The following POC1A variants were observed in gnomAD, a reference collection of about 807,000 sequenced individuals.
POC1A encodes POC1 centriolar protein homolog A.
POC1A carries 34 observed loss-of-function variants against 47.8 expected under a neutral mutation model. The observed-to-expected ratio is 0.71, with a 90% CI of 0.54 to 0.95. The LOEUF (loss-of-function observed/expected upper bound fraction) is 0.95. Ranked by LOEUF, POC1A falls within the 40% of genes least tolerant of loss-of-function variation. The pLI is 0.00. For missense variants in POC1A, 466 were observed against 528.3 expected, an observed-to-expected ratio of 0.88 and a Z score of 1.16; for synonymous variants, 177 against 207.6, an observed-to-expected ratio of 0.85 and a Z score of 1.27.
chr3:52,088,454 C>T (rs1702533705), intron 10 of POC1A, among the ~76,000 whole-genome samples: 1 of 152,202 alleles, frequency 6.6e-6, no homozygotes, highest in South Asian at 2.1e-4. Context: ...TGATGAGGTT[C>T]TATACCCATA....
At chr3:52,101,503 T>C (rs1258635473) in intron 9 of POC1A, among the ~76,000 whole-genome samples, 4 of 152,166 alleles carry the variant, frequency 2.6e-5, no homozygotes, top group Non-Finnish European at 5.9e-5. Context: ...ATGATTAATA[T>C]GGTAAAGGCT....
chr3:52,107,641 A>T (rs1018690742), intron 9 of POC1A, among the ~76,000 whole-genome samples: 3 of 152,212 alleles, frequency 2.0e-5, no homozygotes, highest in African/African-American at 7.2e-5. Context: ...CACAGCACAT[A>T]CCTGAACCGA....
chr3:52,082,710 T>C (rs777812960), intron 10 of POC1A, among the ~76,000 whole-genome samples: 40 of 152,242 alleles, frequency 2.6e-4, no homozygotes, highest in Admixed American at 9.8e-4. Context: ...TAAAAAGAAC[T>C]GATTTTAAAA....
At chr3:52,124,760 G>C (rs1703932147) in intron 8 of POC1A, among the ~76,000 whole-genome samples, 1 of 152,222 alleles carries the variant, frequency 6.6e-6, no homozygotes, top group Non-Finnish European at 1.5e-5. Context: ...CCTAAAGTAA[G>C]ATCATATTAA....
chr3:52,104,425 A>C (rs1478257554), intron 9 of POC1A, among the ~76,000 whole-genome samples: 1 of 152,224 alleles, frequency 6.6e-6, no homozygotes, highest in Non-Finnish European at 1.5e-5. Flanking sequence ...TTTCTGTCAC[A>C]ACTCAGAGAA....
intron 10 of POC1A, among the ~76,000 whole-genome samples, chr3:52,086,091 T>C (rs895689538): frequency 6.6e-6 from 1 of 152,166 alleles, no homozygotes; most frequent in Admixed American, 6.5e-5. Flanking sequence ...CGGGTTGTGG[T>C]TGATGTGGGC....
At chr3:52,100,796 T>C (rs1029813811) in intron 9 of POC1A, among the ~76,000 whole-genome samples, 3 of 151,808 alleles carry the variant, frequency 2.0e-5, no homozygotes, top group African/African-American at 4.8e-5. Context: ...AAGAAAACCG[T>C]TCTTGGAGGT....
In POC1A at chr3:52,090,356, G is replaced by A. The variant is rs1178066800; in HGVS notation, c.1125+6213C>T. On this transcript the variant is annotated intron_variant, in intron 10 of 10. Coordinates refer to ENST00000296484, the MANE Select transcript of POC1A (RefSeq NM_015426.5). The surrounding 1 kb of genome is among the most constrained non-coding windows in gnomAD (Gnocchi z 4.2). ...GGAGTCAAAAATAACTTTGCTGTGG[G>A]CTTCTGAGGCAAAACCACCAAGCCG... Among the ~76,000 whole-genome samples, 1 of 152,242 alleles carries A rather than the reference G, an allele frequency of 6.6e-6. No homozygotes were observed. The highest frequency in any genetic ancestry group is 1.9e-4 in the East Asian group (1 of 5,200).
At chr3:52,147,179 C>T (rs1274740268) in intron 4 of POC1A, 84 bp from the exon 5 acceptor site, 4 of 1,069,996 alleles carry the variant, frequency 3.7e-6, no homozygotes, top group African/African-American at 1.6e-5. Context: ...CACTCTTCCC[C>T]GAGTGCCTAC....
intron 1 of POC1A, 149 bp downstream of exon 1, chr3:52,154,206 C>A: frequency 1.2e-6 from 1 of 810,818 alleles, no homozygotes; most frequent in South Asian, 1.7e-5. Flanking sequence ...ACCCAGCGCC[C>A]CCTGCGCAGA....
intron 10 of POC1A, among the ~76,000 whole-genome samples, chr3:52,086,819 C>T (rs1261937595): frequency 1.3e-5 from 2 of 152,252 alleles, no homozygotes; most frequent in African/African-American, 4.8e-5. Flanking sequence ...AGCCTGCATG[C>T]CAGTGATGAG....
At chr3:52,127,511 C>A (rs1213474454) in intron 7 of POC1A, among the ~76,000 whole-genome samples, 2 of 151,800 alleles carry the variant, frequency 1.3e-5, no homozygotes, top group Non-Finnish European at 2.9e-5. Context: ...CTGCCTCAGC[C>A]TCCCGAGTAG....
In POC1A at chr3:52,090,724, G is replaced by C. The variant is rs894808497; in HGVS notation, c.1125+5845C>G. On this transcript the variant is annotated intron_variant, in intron 10 of 10. Transcript: ENST00000296484. This position sits in a 1 kb window ranked among gnomAD's most constrained non-coding sequence, Gnocchi z 4.2. ...TGGCATCACCCCCAAGAGCACAAGGGGAAACAGTACCAGGGTCAGGCCCAG... is the reference window on the plus strand; with the variant it reads ...TGGCATCACCCCCAAGAGCACAAGGCGAAACAGTACCAGGGTCAGGCCCAG... 6.6e-6 allele frequency among the ~76,000 whole-genome samples: 1 copy of C among 151,798 alleles called. No individual in the cohort carries two copies. The highest frequency in any genetic ancestry group is 2.4e-5 in the African/African-American group (1 of 41,278).
rs903891853 is a variant in POC1A at position 52,084,219 on chromosome 3, C to A, written c.1126-8234G>T. Among the ~76,000 whole-genome samples, 1 of 152,238 alleles carries A rather than the reference C, an allele frequency of 6.6e-6. No individual in the cohort carries two copies. Among genetic ancestry groups the A allele is most frequent in the Non-Finnish European group, 1.5e-5 (1 of 68,042 alleles). On this transcript the variant is annotated intron_variant, in intron 10 of 10. Coordinates refer to ENST00000296484, the MANE Select transcript of POC1A (RefSeq NM_015426.5). This position sits in a 1 kb window ranked among gnomAD's most constrained non-coding sequence, Gnocchi z 4.3. ...ATGGACAGACTGGCACTTCAGAGCA[C>A]AGACCAAGGGCACACCCTCAGAGAC... is the stretch of plus-strand genomic sequence containing the variant.
Position 52,151,102 on chromosome 3 carries a change from T to TGA in POC1A, c.19-4_19-3dup, listed in dbSNP as rs1201030364. 1.2e-6 allele frequency: 2 copies of TGA among 1,613,524 alleles called. No individual in the cohort carries two copies. The highest frequency in any genetic ancestry group is 1.3e-5 in the African/African-American group (1 of 75,008). The stretch of plus-strand genomic sequence containing the variant: ...ATGCCTTTCCAGCGAGGGGTCCTCC[T>TGA]GAGAGAGAGCCAGGGTCAAATGTGT... On this transcript the variant is annotated splice_polypyrimidine_tract_variant and splice_region_variant and intron_variant, in intron 1 of 10. Transcript: ENST00000296484.
intron 8 of POC1A, among the ~76,000 whole-genome samples, chr3:52,122,983 G>A (rs1703848623): frequency 6.6e-6 from 1 of 152,258 alleles, no homozygotes; most frequent in Admixed American, 6.5e-5. Context: ...TACACTGTGA[G>A]AAGTGGTTAA....
At position 52,084,047 on chromosome 3, in the gene POC1A, G is replaced by A. The variant is rs1294160279; in HGVS notation, c.1126-8062C>T. 1.3e-5 allele frequency among the ~76,000 whole-genome samples: 2 copies of A among 152,212 alleles called. No individual in the cohort carries two copies. Among genetic ancestry groups the A allele is most frequent in the Non-Finnish European group, 2.9e-5 (2 of 68,030 alleles). ...ACTGCCTCACCAGGCTCACAGGTCT[G>A]AGTAGGCACAGCCAGGGAGGATGCT... is the stretch of plus-strand genomic sequence containing the variant. On this transcript the variant is annotated intron_variant, in intron 10 of 10. Transcript: ENST00000296484. This position sits in a 1 kb window ranked among gnomAD's most constrained non-coding sequence, Gnocchi z 4.3.
At chr3:52,105,977 G>A (rs904820594) in intron 9 of POC1A, among the ~76,000 whole-genome samples, 4 of 151,912 alleles carry the variant, frequency 2.6e-5, no homozygotes, top group African/African-American at 4.8e-5. Flanking sequence ...GGCGGATCAC[G>A]AGGTCAGGAG....
chr3:52,099,176 C>T (rs1023851732), intron 9 of POC1A, among the ~76,000 whole-genome samples: 1 of 152,198 alleles, frequency 6.6e-6, no homozygotes, highest in Admixed American at 6.5e-5. Flanking sequence ...AGAGCAGGCC[C>T]TCCACAAACA....
Sources: gnomAD v4.1 joint callset for allele counts (sites outside exome capture counted in the v4.1 genomes callset) on GRCh38, gnomAD v4.1.1 for gene constraint, Gnocchi (gnomAD v3.1) non-coding constraint, MANE v1.5 for transcripts, NCBI Gene and HGNC (gene_info 2026-07-23, HGNC 2026-07-21) for gene names.